Variants in PSMG2 observed in about 807,000 individuals in gnomAD.
PSMG2 encodes the protein proteasome assembly chaperone 2.
In PSMG2, 21 loss-of-function variants were observed where a neutral mutation model predicts 31.5. The ratio of observed to expected loss-of-function variants is 0.67; its 90% CI spans 0.47 to 0.96. The LOEUF (loss-of-function observed/expected upper bound fraction) is 0.96. Among genes scored for constraint, PSMG2 ranks in the 40% least tolerant of loss-of-function variants. The pLI, the probability that PSMG2 is intolerant of heterozygous loss-of-function variation, is 0.00. For missense variants in PSMG2, 318 were observed against 321.2 expected, an observed-to-expected ratio of 0.99 and a Z score of 0.08; for synonymous variants, 120 against 110.4, an observed-to-expected ratio of 1.09 and a Z score of -0.54.
rs199868112 is a variant in PSMG2 at position 12,724,483 on chromosome 18, T to A, written c.582-16T>A. The A allele has an allele frequency of 1.4e-4, 229 of 1,584,992 alleles. 1 individual carries two copies. The East Asian group carries it at 4.2e-3, about 29-fold the overall frequency. On this transcript the variant is annotated splice_polypyrimidine_tract_variant and intron_variant, in intron 5 of 6. Transcript: ENST00000317615. ...CCCTATGAAAGAATACTGATTCTTA[T>A]TTTTATTTCTTGTAGCTGTTCTAAA...
chr18:12,696,153 G>A (rs2039949225), intron 1 of PSMG2, among the ~76,000 whole-genome samples: 1 of 152,056 alleles, frequency 6.6e-6, no homozygotes, highest in Non-Finnish European at 1.5e-5. Context: ...TTACATAAAG[G>A]ACACTTTTTC....
chr18:12,701,948 G>A (rs143933114), upstream of PSMG2, among the ~76,000 whole-genome samples: 1,117 of 152,170 alleles, frequency 7.3e-3, 6 homozygotes, highest in Non-Finnish European at 0.012. Context: ...CACCAACATG[G>A]TGAAACCGTC....
At chr18:12,697,493 T>C in intron 1 of PSMG2, 1 of 919,402 alleles carries the variant, frequency 1.1e-6, no homozygotes, top group East Asian at 2.8e-5. Context: ...AAACAGTAAA[T>C]AATAAGCTTA....
chr18:12,713,683 T>C (rs1312458794), intron 3 of PSMG2, among the ~76,000 whole-genome samples: 1 of 152,200 alleles, frequency 6.6e-6, no homozygotes, highest in Non-Finnish European at 1.5e-5. Context: ...TTCAGCCAGT[T>C]CTTTTATCCC....
At chr18:12,681,252 GAAC>G (rs1225231587) in intron 1 of PSMG2, among the ~76,000 whole-genome samples, 7 of 133,334 alleles carry the variant, frequency 5.2e-5, no homozygotes, top group Non-Finnish European at 1.1e-4. Flanking sequence ...AAGAAAAGTA[GAAC>G]ATTTTTTTTT....
Position 12,718,652 on chromosome 18 carries a change from GGAAA to G in PSMG2, c.407+19_407+22del, listed in dbSNP as rs1263286861. 6.5e-7 allele frequency: 1 copy of G among 1,549,246 alleles called. No individual in the cohort carries two copies. The highest frequency in any genetic ancestry group is 8.8e-7 in the Non-Finnish European group (1 of 1,136,822). The stretch of plus-strand genomic sequence containing the variant: ...GCTTCGTAGGTATGTTTCTGCCTCT[GGAAA>G]GTTATTTTTGGTATGGTTTATACTA... On this transcript the variant is annotated intron_variant, in intron 4 of 6. Transcript: ENST00000317615.
At chr18:12,709,360 T>A (rs942369508) in intron 2 of PSMG2, among the ~76,000 whole-genome samples, 2 of 146,884 alleles carry the variant, frequency 1.4e-5, no homozygotes, top group African/African-American at 5.1e-5. Context: ...GGAGTCTCAC[T>A]CCGTCACACA....
intron 1 of PSMG2, chr18:12,678,415 A>G (rs762832727): frequency 8.7e-6 from 14 of 1,613,506 alleles, no homozygotes; most frequent in Non-Finnish European, 1.2e-5. Context: ...CTGGAGGTTC[A>G]TCAGGATTGG....
intron 1 of PSMG2, among the ~76,000 whole-genome samples, chr18:12,683,913 ACT>A (rs1242976617): frequency 2.0e-5 from 3 of 151,598 alleles, no homozygotes; most frequent in African/African-American, 7.3e-5. Context: ...GAAATAATAA[ACT>A]AGGAATAGAA....
At chr18:12,708,362 T>A (rs1208375174) in intron 2 of PSMG2, among the ~76,000 whole-genome samples, 1 of 151,898 alleles carries the variant, frequency 6.6e-6, no homozygotes, top group African/African-American at 2.4e-5. Flanking sequence ...CTAAATGCCA[T>A]GTACTTTTTT....
chr18:12,716,364 T>C (rs2040375841), intron 3 of PSMG2, among the ~76,000 whole-genome samples: 1 of 152,062 alleles, frequency 6.6e-6, no homozygotes. Flanking sequence ...TAATATAAAT[T>C]TTTGGCAGCT....
Position 12,720,536 on chromosome 18 carries a change from C to T in PSMG2, c.434C>T (p.Pro145Leu), listed in dbSNP as rs1316516871. 1 of 1,610,080 alleles carries T rather than the reference C, an allele frequency of 6.2e-7. No individual in the cohort carries two copies. Among genetic ancestry groups the T allele is most frequent in the Non-Finnish European group, 8.5e-7 (1 of 1,178,464 alleles). ...ACTCCCTTCCGGTACCTACTTACAC[C>T]TTCCATGCAAAAAAGTGTTCAAAAT... Reference protein sequence around the residue: ...RSTPFRYLLTPSMQKSVQNKI... With the variant: ...RSTPFRYLLTLSMQKSVQNKI... Residue 145 changes from proline to leucine, a missense_variant, in exon 5 of 7, where the codon CCT (proline) becomes CTT (leucine). By Grantham distance (98) the Pro-to-Leu change is moderately conservative. Transcript: ENST00000317615.
intron 1 of PSMG2, among the ~76,000 whole-genome samples, chr18:12,694,701 TG>T (rs2039885148): frequency 6.6e-6 from 1 of 151,778 alleles, no homozygotes; most frequent in South Asian, 2.1e-4. Flanking sequence ...AGCTTTATCC[TG>T]TAATTCTTTT....
chr18:12,716,007 T>TA (rs2040372784), intron 3 of PSMG2, among the ~76,000 whole-genome samples: 1 of 152,214 alleles, frequency 6.6e-6, no homozygotes, highest in Non-Finnish European at 1.5e-5. Context: ...GGTATATACT[T>TA]ACAGCATCTA....
chr18:12,723,509 T>A (rs930470680), intron 5 of PSMG2, among the ~76,000 whole-genome samples: 23 of 152,156 alleles, frequency 1.5e-4, no homozygotes, highest in African/African-American at 5.6e-4. Flanking sequence ...GCAGTTCTCC[T>A]GCCTCAGCCT....
Position 12,691,626 on chromosome 18 carries a change from C to G in PSMG2, c.-36-14924C>G, listed in dbSNP as rs1441142485. The stretch of plus-strand genomic sequence containing the variant: ...ATCATCTTCTATAAGAGCCTCCTGA[C>G]TTCCCTATTTCTACACTTACCCCTA... On this transcript the variant is annotated intron_variant, in intron 1 of 6. Transcript: ENST00000585331. The G allele has an allele frequency of 5.2e-6, 3 of 574,234 alleles. No homozygotes were observed. In the East Asian group the frequency reaches 8.9e-5, roughly 17 times the overall value. 35.6% of individuals were successfully genotyped at this position (574,234 alleles called of 1,614,324 possible).
At chr18:12,661,550 T>C (rs2038695140) in intron 1 of PSMG2, among the ~76,000 whole-genome samples, 1 of 152,130 alleles carries the variant, frequency 6.6e-6, no homozygotes, top group African/African-American at 2.4e-5. Flanking sequence ...CGCAGGCAGA[T>C]CGCTTGAGGC....
intron 3 of PSMG2, among the ~76,000 whole-genome samples, chr18:12,713,769 T>C (rs578021845): frequency 6.9e-6 from 1 of 145,760 alleles, no homozygotes; most frequent in Non-Finnish European, 1.5e-5. Context: ...ATTTCTTTCT[T>C]TTTTTTTTTT....
At chr18:12,693,550 C>T (rs1023482637) in intron 1 of PSMG2, among the ~76,000 whole-genome samples, 1 of 152,026 alleles carries the variant, frequency 6.6e-6, no homozygotes, top group Non-Finnish European at 1.5e-5. Context: ...TTTGGGAGGC[C>T]GAGGCAGGCA....
Sources: allele counts gnomAD v4.1 joint callset (sites outside exome capture counted in the v4.1 genomes callset), GRCh38; gene constraint gnomAD v4.1.1; transcripts MANE v1.5; gene names NCBI Gene and HGNC (gene_info 2026-07-23, HGNC 2026-07-21).